PTPRM: variants seen among roughly 807,000 people sequenced by gnomAD.
PTPRM encodes protein tyrosine phosphatase receptor type M.
A neutral mutation model predicts 186.7 loss-of-function variants in PTPRM; 47 were observed. The observed-to-expected ratio is 0.25, with a 90% CI of 0.20 to 0.32. PTPRM has a LOEUF of 0.32. Among genes scored for constraint, PTPRM ranks in the 10% least tolerant of loss-of-function variants. The pLI is 1.00. For synonymous variants in PTPRM, 668 were observed against 674.9 expected, an observed-to-expected ratio of 0.99 and a Z score of 0.16; for missense variants, 1,494 against 1,865.0, an observed-to-expected ratio of 0.80 and a Z score of 3.66.
intron 14 of PTPRM, among the ~76,000 whole-genome samples, chr18:8,239,481 T>C (rs2094391665): frequency 6.6e-6 from 1 of 151,746 alleles, no homozygotes; most frequent in Admixed American, 6.5e-5. Flanking sequence ...CACAAAACTG[T>C]GTGAGCCCCC....
chr18:7,973,963 T>C (rs911026360), intron 7 of PTPRM, among the ~76,000 whole-genome samples: 6 of 149,320 alleles, frequency 4.0e-5, no homozygotes, highest in African/African-American at 1.5e-4. Context: ...AGTGAGATTC[T>C]GGTAAAAAAA....
Position 8,069,807 on chromosome 18 carries a change from C to T in PTPRM, c.1254C>T (p.His418=), listed in dbSNP as rs759418412. ...TRCHSYNLTV[H]YCYQVGGQEQ... is the part of the protein sequence containing the mutation. ...GCCACAGTTATAATCTCACTGTCCACTACTGTTACCAAGTTGGAGGACAAG... is the reference window on the plus strand; with the variant it reads ...GCCACAGTTATAATCTCACTGTCCATTACTGTTACCAAGTTGGAGGACAAG... The change falls in exon 8 of 33, where the codon CAC becomes CAT. Residue 418 remains histidine (H), a synonymous_variant. Coordinates refer to ENST00000580170, the MANE Select transcript of PTPRM (RefSeq NM_001105244.2). The T allele has an allele frequency of 6.2e-7, 1 of 1,614,126 alleles. No individual in the cohort carries two copies. Among genetic ancestry groups the T allele is most frequent in the South Asian group, 1.1e-5 (1 of 91,080 alleles).
At position 8,113,549 on chromosome 18, in the gene PTPRM, A is replaced by G. The variant is rs997326269; in HGVS notation, c.1920A>G (p.Leu640=). Residue 640 remains leucine (L), a synonymous_variant, in exon 12 of 33, where the codon TTA becomes TTG. Coordinates refer to ENST00000580170, the MANE Select transcript of PTPRM (RefSeq NM_001105244.2). ...PRRTKKTTEI[L]KCYPVPIHFQ... Reference sequence around the variant, plus strand: ...GAACTAAAAAGACGACAGAAATCTTAAAGTGCTACCCAGTGCCAATTCACT... The same window carrying G: ...GAACTAAAAAGACGACAGAAATCTTGAAGTGCTACCCAGTGCCAATTCACT... 3.1e-6 allele frequency: 5 copies of G among 1,613,874 alleles called. No homozygotes were observed. Among genetic ancestry groups the G allele is most frequent in the Admixed American group, 3.3e-5 (2 of 60,026 alleles).
chr18:7,792,809 AAC>A (rs750854306), intron 2 of PTPRM, among the ~76,000 whole-genome samples: 5 of 151,816 alleles, frequency 3.3e-5, no homozygotes, highest in Non-Finnish European at 5.9e-5. Flanking sequence ...GGGACTACAC[AAC>A]ACAACACTAC....
chr18:7,675,698 G>A (rs2039317715), intron 1 of PTPRM, among the ~76,000 whole-genome samples: 1 of 151,592 alleles, frequency 6.6e-6, no homozygotes, highest in Non-Finnish European at 1.5e-5. Context: ...AGTAAACTTG[G>A]TGGTTGTTGG....
At chr18:8,278,336 G>C (rs1444239641) in intron 19 of PTPRM, among the ~76,000 whole-genome samples, 1 of 152,190 alleles carries the variant, frequency 6.6e-6, no homozygotes, top group Admixed American at 6.5e-5. Flanking sequence ...TTCCAAAGAA[G>C]GAAGTTGTAG....
At chr18:8,003,693 T>C (rs1008529983) in intron 7 of PTPRM, among the ~76,000 whole-genome samples, 3 of 152,242 alleles carry the variant, frequency 2.0e-5, no homozygotes, top group African/African-American at 7.2e-5. Context: ...AATTACATTA[T>C]GGACACGAAT....
intron 11 of PTPRM, among the ~76,000 whole-genome samples, chr18:8,106,604 G>A (rs1320456798): frequency 1.3e-5 from 2 of 152,178 alleles, no homozygotes; most frequent in African/African-American, 4.8e-5. Context: ...TCAAGGACGG[G>A]GCAGTCTGTG....
intron 7 of PTPRM, among the ~76,000 whole-genome samples, chr18:7,962,858 T>C (rs2053772528): frequency 6.6e-6 from 1 of 152,240 alleles, no homozygotes; most frequent in Non-Finnish European, 1.5e-5. Flanking sequence ...TTGCAATAAG[T>C]ATCTGGACTT....
At chr18:7,752,094 AT>A (rs1190047556) in intron 1 of PTPRM, among the ~76,000 whole-genome samples, 1 of 151,896 alleles carries the variant, frequency 6.6e-6, no homozygotes, top group Non-Finnish European at 1.5e-5. Context: ...CACCTTTTTG[AT>A]TTTTCTTTTT....
chr18:8,163,617 GAAC>G (rs2093270473), intron 14 of PTPRM, among the ~76,000 whole-genome samples: 1 of 152,104 alleles, frequency 6.6e-6, no homozygotes, highest in African/African-American at 2.4e-5. Flanking sequence ...CTGATATAAA[GAAC>G]AACAATAGCA....
chr18:7,924,835 G>A (rs2051077189), intron 4 of PTPRM, among the ~76,000 whole-genome samples: 3 of 152,300 alleles, frequency 2.0e-5, no homozygotes, highest in East Asian at 3.9e-4. Flanking sequence ...GGGAGCCACT[G>A]CAAGTGGGAT....
intron 7 of PTPRM, among the ~76,000 whole-genome samples, chr18:8,048,144 C>T (rs2087199436): frequency 1.3e-5 from 2 of 152,104 alleles, no homozygotes; most frequent in Admixed American, 6.5e-5. Flanking sequence ...AGTAGTCTGA[C>T]ATTGGTGGGA....
chr18:7,944,537 G>A (rs1449874672), intron 5 of PTPRM, among the ~76,000 whole-genome samples: 1 of 152,094 alleles, frequency 6.6e-6, no homozygotes, highest in Non-Finnish European at 1.5e-5. Flanking sequence ...CATACTTCTT[G>A]TTGCAGTCTG....
At chr18:7,614,696 C>T (rs1178680053) in intron 1 of PTPRM, among the ~76,000 whole-genome samples, 2 of 152,146 alleles carry the variant, frequency 1.3e-5, no homozygotes, top group African/African-American at 2.4e-5. Flanking sequence ...GTATACTGTT[C>T]ATTTTTCATT....
intron 23 of PTPRM, among the ~76,000 whole-genome samples, chr18:8,366,464 A>G (rs2095630001): frequency 6.6e-6 from 1 of 152,196 alleles, no homozygotes; most frequent in Non-Finnish European, 1.5e-5. Context: ...AGTCATGTCA[A>G]ATGCCCTGAA....
At chr18:7,957,893 C>T (rs1599722303) in intron 7 of PTPRM, among the ~76,000 whole-genome samples, 1 of 151,866 alleles carries the variant, frequency 6.6e-6, no homozygotes, top group Non-Finnish European at 1.5e-5. Flanking sequence ...ATTTAGAGTA[C>T]CTAAAGAGCA....
intron 22 of PTPRM, among the ~76,000 whole-genome samples, chr18:8,330,322 A>G (rs1299593575): frequency 6.6e-6 from 1 of 152,150 alleles, no homozygotes; most frequent in African/African-American, 2.4e-5. Flanking sequence ...TTCTCACTCA[A>G]AAGGAAGCTG....
intron 32 of PTPRM, among the ~76,000 whole-genome samples, chr18:8,401,156 C>G (rs1230597548): frequency 1.3e-5 from 2 of 152,090 alleles, no homozygotes; most frequent in Non-Finnish European, 2.9e-5. Flanking sequence ...AACCATTCTT[C>G]TCTGCAGCCA....
Sources: gnomAD v4.1 joint callset for allele counts (sites outside exome capture counted in the v4.1 genomes callset) on GRCh38, gnomAD v4.1.1 for gene constraint, MANE v1.5 for transcripts, NCBI Gene and HGNC (gene_info 2026-07-23, HGNC 2026-07-21) for gene names.